The following LAMA5 variants were observed in gnomAD, a reference collection of about 807,000 sequenced individuals.
LAMA5 encodes the protein laminin subunit alpha-5.
Under a neutral mutation model 433.4 loss-of-function variants are expected in LAMA5, and 260 were observed. The ratio of observed to expected loss-of-function variants is 0.60; its 90% CI spans 0.54 to 0.66. The LOEUF is 0.66. Ranked by LOEUF, LAMA5 falls within the 30% of genes least tolerant of loss-of-function variation. The pLI is 0.00. For synonymous variants in LAMA5, 2,620 were observed against 2,226.6 expected (o/e 1.18, Z -4.97); for missense variants, 5,378 against 5,258.5 (o/e 1.02, Z -0.70).
Position 62,324,518 on chromosome 20 carries a change from G to C in LAMA5, c.5566C>G (p.Leu1856Val), listed in dbSNP as rs781027920. 15 of 1,612,342 alleles carry C rather than the reference G, an allele frequency of 9.3e-6. No individual in the cohort carries two copies. The highest frequency in any genetic ancestry group is 4.5e-5 in the East Asian group (2 of 44,862). Residue 1856 changes from leucine (L) to valine (V), a missense_variant, in exon 42 of 80, where the codon CTC becomes GTC. Leu to Val is a conservative substitution (Grantham distance 32). Coordinates refer to ENST00000252999, the MANE Select transcript of LAMA5 (RefSeq NM_005560.6). The surrounding 1 kb of genome is among the most constrained non-coding windows in gnomAD (Gnocchi z 4.4). ...CAAGGGACACATCGGCCCAGGAAGA[G>C]ACCTTTGACGTCCCGATAGAAGCCG... is the stretch of plus-strand genomic sequence containing the variant. ...APGFYRDVKG[L>V]FLGRCVPCQC...
At chr20:62,322,620 G>GGGGGGCC in intron 46 of LAMA5, 38 bp downstream of exon 46, 12 of 1,398,970 alleles carry the variant, frequency 8.6e-6, no homozygotes, top group South Asian at 1.2e-5. Context: ...TAGTCCCTAG[G>GGGGGGCC]CCCCACCCAC....
At chr20:62,346,455 T>C (rs1325731304) in intron 9 of LAMA5, 51 bp downstream of exon 9, 2 of 1,518,936 alleles carry the variant, frequency 1.3e-6, no homozygotes, top group East Asian at 2.5e-5. Context: ...GAACACCTCT[T>C]TCCAGGCAGA....
chr20:62,312,702 G>A lies in LAMA5; in HGVS notation c.9157C>T (p.Gln3053Ter). 2 of 1,605,346 alleles carry A rather than the reference G, an allele frequency of 1.2e-6. No homozygotes were observed. The highest frequency in any genetic ancestry group is 1.7e-6 in the Non-Finnish European group (2 of 1,176,834). Residue 3053 changes from glutamine to a stop codon, truncating the protein, a stop_gained, in exon 67 of 80, where the codon CAG (glutamine) becomes TAG (stop). Transcript: ENST00000252999. LOFTEE classifies it high-confidence loss of function. ...VERATVYSVE[Q>*]DNDLELADAY... is the part of the protein sequence containing the mutation. ...TCGGCCAGCTCCAGATCATTGTCCTGCTCCACGCTGTACACCGTGGCCCGC... is the reference window on the plus strand; with the variant it reads ...TCGGCCAGCTCCAGATCATTGTCCTACTCCACGCTGTACACCGTGGCCCGC...
chr20:62,357,373 A>G (rs1220891361), intron 2 of LAMA5, among the ~76,000 whole-genome samples: 2 of 152,218 alleles, frequency 1.3e-5, no homozygotes, highest in Non-Finnish European at 2.9e-5. Context: ...CTGCTCGGAC[A>G]GGGCACCGGG....
Position 62,331,056 on chromosome 20 carries a change from C to A in LAMA5, c.3626G>T (p.Ser1209Ile). Residue 1209 changes from serine (S) to isoleucine (I), a missense_variant, in exon 29 of 80, where the codon AGC (serine) becomes ATC (isoleucine). Transcript: ENST00000252999. Reference sequence around the variant, plus strand: ...CCTGTTGGGGCCAAAGGCGCCGTGGCTGCTGATGCAGCTGACCCGGGGCTC... The same window carrying A: ...CCTGTTGGGGCCAAAGGCGCCGTGGATGCTGATGCAGCTGACCCGGGGCTC... ...FVEPRVSCIS[S>I]HGAFGPNSAA... 1 of 1,603,190 alleles carries A rather than the reference C, an allele frequency of 6.2e-7. No homozygotes were observed.
At chr20:62,363,397 TCA>T (rs1385139226) in intron 1 of LAMA5, among the ~76,000 whole-genome samples, 2 of 152,058 alleles carry the variant, frequency 1.3e-5, no homozygotes, top group African/African-American at 4.8e-5. Flanking sequence ...GAGTAATGGC[TCA>T]CACACACAGC....
In LAMA5 at chr20:62,334,512, G is replaced by T. The variant is rs938103818; in HGVS notation, c.2582+10C>A. ...CGCTCCCCACCACCCAGTGGGGAAG[G>T]GGTACCCACTCGCTGCAGGTGGGGC... On this transcript the variant is annotated intron_variant, in intron 21 of 79. Transcript: ENST00000252999. 1 of 1,546,274 alleles carries T rather than the reference G, an allele frequency of 6.5e-7. No individual in the cohort carries two copies.
At chr20:62,317,528 T>C (rs1568906905) in intron 54 of LAMA5, 29 bp from the exon 55 acceptor site, 2 of 1,531,082 alleles carry the variant, frequency 1.3e-6, no homozygotes, top group East Asian at 2.3e-5. Flanking sequence ...TAGCCCCTCA[T>C]CCTGCTCACA....
chr20:62,326,070 A>G lies in LAMA5; in HGVS notation c.5299-524T>C, dbSNP rs1350172041. Reference sequence around the variant, plus strand: ...ACCCCATCTCTACTGAAAATACACAATTATCAGGGTGTGGTGGCGGGTGCC... The same window carrying G: ...ACCCCATCTCTACTGAAAATACACAGTTATCAGGGTGTGGTGGCGGGTGCC... On this transcript the variant is annotated intron_variant, in intron 40 of 79. Transcript: ENST00000252999. Among the ~76,000 whole-genome samples, 4 of 152,024 alleles carry G rather than the reference A, an allele frequency of 2.6e-5. No homozygotes were observed. The East Asian group carries it at 7.8e-4, about 29-fold the overall frequency.
intron 11 of LAMA5, among the ~76,000 whole-genome samples, chr20:62,339,762 C>G (rs1982292860): frequency 6.6e-6 from 1 of 152,172 alleles, no homozygotes; most frequent in South Asian, 2.1e-4. Context: ...AGCACGTTTT[C>G]TTGCTCTAAC....
chr20:62,320,223 C>T lies in LAMA5; in HGVS notation c.6759+336G>A, dbSNP rs550979758. 2.5e-3 allele frequency among the ~76,000 whole-genome samples: 357 copies of T among 141,860 alleles called. 1 individual carries two copies. The highest frequency in any genetic ancestry group is 4.5e-3 in the Non-Finnish European group (300 of 66,996). 93.1% of individuals were successfully genotyped at this position (141,860 alleles called of 152,430 possible). ...ATCCCAGCTACTCAGGAGGCTGAGG[C>T]AGGAGAATCGCTTGAACCCGGGAGG... On this transcript the variant is annotated intron_variant, in intron 50 of 79. Coordinates refer to ENST00000252999, the MANE Select transcript of LAMA5 (RefSeq NM_005560.6).
In LAMA5 at chr20:62,366,930, G is replaced by A. The variant is rs759784689; in HGVS notation, c.297+19C>T. 4.9e-6 allele frequency: 6 copies of A among 1,234,282 alleles called. No individual in the cohort carries two copies. In the African/African-American group the frequency reaches 7.7e-5, roughly 16 times the overall value. 76.5% of individuals were successfully genotyped at this position (1,234,282 alleles called of 1,614,324 possible). On this transcript the variant is annotated intron_variant, in intron 1 of 79. Transcript: ENST00000252999. ...CGAGTGCCCCGGGAGGAAGCCCCAC[G>A]GCCCGCCCCTGCGCTCACCCGGATG...
At chr20:62,344,013 G>A (rs903458805) in intron 11 of LAMA5, among the ~76,000 whole-genome samples, 9 of 151,750 alleles carry the variant, frequency 5.9e-5, no homozygotes, top group East Asian at 1.9e-4. Flanking sequence ...GCTTAGTGGC[G>A]GATGCCTGTA....
Position 62,318,588 on chromosome 20 carries a change from G to C in LAMA5, c.7105C>G (p.Gln2369Glu), listed in dbSNP as rs1468716486. The C allele has an allele frequency of 6.2e-7, 1 of 1,610,832 alleles. No homozygotes were observed. Among genetic ancestry groups the C allele is most frequent in the Non-Finnish European group, 8.5e-7 (1 of 1,179,054 alleles). ...TGCTGGGCCAGCCGGTCGCGGGTTT[G>C]TGTGGCCAGTGCCTGGTTCTCCTCC... ...LWEENQALAT[Q>E]TRDRLAQHEA... The change falls in exon 53 of 80, where the codon CAA becomes GAA. Residue 2369 changes from glutamine to glutamate, a missense_variant. Transcript: ENST00000252999.
At chr20:62,314,276 C>T (rs1292416935) in intron 62 of LAMA5, 28 bp downstream of exon 62, 3 of 1,607,038 alleles carry the variant, frequency 1.9e-6, no homozygotes, top group Non-Finnish European at 2.5e-6. Flanking sequence ...CAGTTGGAGG[C>T]ATCCGGCCTC....
chr20:62,321,135 G>T, intron 48 of LAMA5, among the ~76,000 whole-genome samples: 1 of 145,092 alleles, frequency 6.9e-6, no homozygotes, highest in African/African-American at 2.6e-5. Flanking sequence ...CAAGGGGTTG[G>T]GGCCGGAGGT....
intron 6 of LAMA5, among the ~76,000 whole-genome samples, chr20:62,349,924 C>G (rs887362424): frequency 1.4e-5 from 2 of 145,936 alleles, no homozygotes; most frequent in Non-Finnish European, 3.0e-5. Flanking sequence ...AAATTGCTGG[C>G]TGATGACATG....
chr20:62,345,963 A>C, intron 10 of LAMA5, 86 bp from the exon 11 acceptor site: 2 of 1,572,232 alleles, frequency 1.3e-6, no homozygotes, highest in South Asian at 2.3e-5. Context: ...CTCTCAGCAC[A>C]ATCGGAGATG....
In LAMA5 at chr20:62,325,469, C is replaced by T. The variant is rs1471630071; in HGVS notation, c.5376G>A (p.Gln1792=). 6.2e-7 allele frequency: 1 copy of T among 1,612,868 alleles called. No homozygotes were observed. Among genetic ancestry groups the T allele is most frequent in the Non-Finnish European group, 8.5e-7 (1 of 1,179,938 alleles). The change falls in exon 41 of 80, where the codon CAG becomes CAA. Residue 1792 remains glutamine, a synonymous_variant. Coordinates refer to ENST00000252999, the MANE Select transcript of LAMA5 (RefSeq NM_005560.6). ...GTGAGAAGAGGGCACGGATCTGCAGCTGCTCCAGGCTGGCCAGCACCATCA... is the reference window on the plus strand; with the variant it reads ...GTGAGAAGAGGGCACGGATCTGCAGTTGCTCCAGGCTGGCCAGCACCATCA... ...ELMMVLASLE[Q]LQIRALFSQI...
Sources: allele counts gnomAD v4.1 joint callset (sites outside exome capture counted in the v4.1 genomes callset), GRCh38; gene constraint gnomAD v4.1.1; non-coding constraint Gnocchi (gnomAD v3.1); transcripts MANE v1.5; gene names NCBI Gene and HGNC (gene_info 2026-07-23, HGNC 2026-07-21).